The following WWC2 variants were observed in gnomAD, a reference collection of about 807,000 sequenced individuals.
WWC2 encodes the protein protein WWC2.
Under a neutral mutation model 138.5 loss-of-function variants are expected in WWC2, and 101 were observed. That is an observed-to-expected ratio of 0.73 (90% CI 0.62 to 0.86). The LOEUF (loss-of-function observed/expected upper bound fraction) is 0.86, where lower values mean the gene tolerates loss of function less well. WWC2 is among the 40% of genes least tolerant of loss of function. The pLI is 0.00. For missense variants in WWC2, 1,420 were observed against 1,419.4 expected, an observed-to-expected ratio of 1.00 and a Z score of -0.01; for synonymous variants, 558 against 538.4, an observed-to-expected ratio of 1.04 and a Z score of -0.50.
intron 1 of WWC2, among the ~76,000 whole-genome samples, chr4:183,173,665 G>T (rs1304245863): frequency 2.0e-5 from 3 of 151,894 alleles, no homozygotes; most frequent in Non-Finnish European, 4.4e-5. Flanking sequence ...ATCGATGCTT[G>T]TGTTGAGATT....
chr4:183,102,347 T>C (rs928684215), intron 1 of WWC2, among the ~76,000 whole-genome samples: 1 of 152,166 alleles, frequency 6.6e-6, no homozygotes, highest in African/African-American at 2.4e-5. Flanking sequence ...ATAGTAGAAA[T>C]ACTAGCATGG....
At chr4:183,264,855 C>A in intron 11 of WWC2, 123 bp from the exon 12 acceptor site, 3 of 1,064,124 alleles carry the variant, frequency 2.8e-6, no homozygotes, top group Non-Finnish European at 2.5e-6. Flanking sequence ...TGAATATTAA[C>A]ATCCTTGACT....
intron 21 of WWC2, among the ~76,000 whole-genome samples, chr4:183,306,461 A>G (rs910663832): frequency 2.0e-5 from 3 of 152,230 alleles, no homozygotes; most frequent in African/African-American, 7.2e-5. Context: ...GGGAGTAGCT[A>G]TATTAATTTC....
rs940743051 is a variant in WWC2, at chr4:183,099,717, G to A, written c.131+95G>A. On this transcript the variant is annotated intron_variant, in intron 1 of 22. Transcript: ENST00000403733. ...CGGGGGGCTGGGGCGGCGCCGGCCC[G>A]CGGTGCCCCGAGGGGTCCCGGGAGG... 3.2e-5 allele frequency: 36 copies of A among 1,124,450 alleles called. No individual in the cohort carries two copies. The East Asian group carries it at 1.7e-3, about 52-fold the overall frequency. The allele number at this position is 1,124,450 out of a possible 1,614,324, so 69.7% of individuals were successfully genotyped here. A position where few individuals can be genotyped will look rare whatever the true frequency, so the allele number is the denominator to read the frequency against.
chr4:183,294,258 A>G (rs1738559560), intron 21 of WWC2, among the ~76,000 whole-genome samples: 1 of 152,178 alleles, frequency 6.6e-6, no homozygotes, highest in African/African-American at 2.4e-5. Context: ...CATAGAGTCA[A>G]TGGAATTCCA....
intron 1 of WWC2, among the ~76,000 whole-genome samples, chr4:183,142,149 T>A (rs1733318903): frequency 6.6e-6 from 1 of 152,192 alleles, no homozygotes; most frequent in Admixed American, 6.5e-5. Context: ...GACAGAGGGA[T>A]GAAATACCAA....
chr4:183,271,302 A>G (rs1012395555), intron 16 of WWC2, 61 bp downstream of exon 16: 1 of 1,342,782 alleles, frequency 7.4e-7, no homozygotes, highest in Non-Finnish European at 9.9e-7. Context: ...AAATACATAT[A>G]TGAAAGTAAT....
rs1737482802 is a variant in WWC2, at chr4:183,265,780, A to T, written c.2120+12A>T. Reference sequence around the variant, plus strand: ...CAGATAGGACTCAGGTAAGGAATGTACGTGGGAAAGGAGCAGTTCTGACAT... The same window carrying T: ...CAGATAGGACTCAGGTAAGGAATGTTCGTGGGAAAGGAGCAGTTCTGACAT... On this transcript the variant is annotated intron_variant, in intron 13 of 22. Transcript: ENST00000403733. 6.2e-7 allele frequency: 1 copy of T among 1,610,150 alleles called. No homozygotes were observed. The highest frequency in any genetic ancestry group is 1.1e-5 in the South Asian group (1 of 90,046).
intron 1 of WWC2, among the ~76,000 whole-genome samples, chr4:183,154,404 T>C (rs1733737686): frequency 6.6e-6 from 1 of 152,192 alleles, no homozygotes; most frequent in Non-Finnish European, 1.5e-5. Flanking sequence ...AAAACTGTAT[T>C]TGGGTTATGT....
rs181032587 is a variant in WWC2, at chr4:183,286,903, C to G, written c.3141+844C>G. The stretch of plus-strand genomic sequence containing the variant: ...CAGTTGACAGCAGTTGGGGGGTCTC[C>G]ACACTTGAATACAATTTCAAAAAGA... On this transcript the variant is annotated intron_variant, in intron 20 of 22. Transcript: ENST00000403733. Among the ~76,000 whole-genome samples, 682 of 152,138 alleles carry G rather than the reference C, an allele frequency of 4.5e-3. 4 individuals carry two copies. The highest frequency in any genetic ancestry group is 0.016 in the African/African-American group (653 of 41,492).
At position 183,248,720 on chromosome 4, in the gene WWC2, G is replaced by C; in HGVS notation, c.739G>C (p.Ala247Pro). 2 of 1,595,902 alleles carry C rather than the reference G, an allele frequency of 1.3e-6. No individual in the cohort carries two copies. The highest frequency in any genetic ancestry group is 1.7e-6 in the Non-Finnish European group (2 of 1,169,780). The change falls in exon 7 of 23, where the codon GCT becomes CCT. Residue 247 changes from alanine to proline, a missense_variant. Transcript: ENST00000403733. ...KEKQDLMQSL[A>P]KLQERFHLDQ... Reference sequence around the variant, plus strand: ...CTTTGTGTTTTCTGAACAGAGTCTTGCTAAGCTGCAGGAGCGGTTTCATTT... The same window carrying C: ...CTTTGTGTTTTCTGAACAGAGTCTTCCTAAGCTGCAGGAGCGGTTTCATTT...
At chr4:183,161,468 T>C (rs898278262) in intron 1 of WWC2, among the ~76,000 whole-genome samples, 3 of 152,174 alleles carry the variant, frequency 2.0e-5, no homozygotes, top group African/African-American at 7.2e-5. Flanking sequence ...CAGTGAGTAA[T>C]GTGTGTGCAG....
intron 1 of WWC2, among the ~76,000 whole-genome samples, chr4:183,188,605 T>G (rs1402459984): frequency 6.8e-6 from 1 of 146,234 alleles, no homozygotes; most frequent in Non-Finnish European, 1.5e-5. Flanking sequence ...TCTCTCTCTC[T>G]CTATCTAATA....
At chr4:183,204,692 A>C (rs1364031302) in intron 2 of WWC2, among the ~76,000 whole-genome samples, 2 of 152,244 alleles carry the variant, frequency 1.3e-5, no homozygotes, top group African/African-American at 4.8e-5. Context: ...GGTGTATACC[A>C]TGTAACTATC....
chr4:183,146,135 A>G (rs1257069722), intron 1 of WWC2, among the ~76,000 whole-genome samples: 2 of 152,192 alleles, frequency 1.3e-5, no homozygotes, highest in African/African-American at 4.8e-5. Context: ...GCAAAAATTC[A>G]TTGCCAGAAT....
intron 21 of WWC2, among the ~76,000 whole-genome samples, chr4:183,297,297 C>T (rs928267650): frequency 6.6e-6 from 1 of 151,758 alleles, no homozygotes. Context: ...TCTTTATTAT[C>T]TGATGAACCA....
chr4:183,254,029 T>TTAA, intron 9 of WWC2, 30 bp downstream of exon 9: 1 of 1,605,738 alleles, frequency 6.2e-7, no homozygotes, highest in Non-Finnish European at 8.5e-7. Flanking sequence ...ATAGGGCAGC[T>TTAA]TAACTCTTGT....
At chr4:183,210,896 G>A (rs1398208518) in intron 4 of WWC2, among the ~76,000 whole-genome samples, 1 of 152,198 alleles carries the variant, frequency 6.6e-6, no homozygotes, top group South Asian at 2.1e-4. Context: ...TATATGCAGG[G>A]AAATGTGGAC....
chr4:183,252,432 G>C (rs1737007530), intron 8 of WWC2, among the ~76,000 whole-genome samples: 1 of 152,202 alleles, frequency 6.6e-6, no homozygotes, highest in Non-Finnish European at 1.5e-5. Flanking sequence ...CAAGTTATTT[G>C]ACTCAGGTGG....
Sources: gnomAD v4.1 joint callset for allele counts (sites outside exome capture counted in the v4.1 genomes callset) on GRCh38, gnomAD v4.1.1 for gene constraint, MANE v1.5 for transcripts, NCBI Gene and HGNC (gene_info 2026-07-23, HGNC 2026-07-21) for gene names.